The following MICU1 variants were observed in gnomAD, a reference collection of about 807,000 sequenced individuals.
The protein encoded by MICU1 is calcium uptake protein 1, mitochondrial.
MICU1 carries 45 observed loss-of-function variants against 56.8 expected under a neutral mutation model. The observed-to-expected ratio is 0.79, with a 90% CI of 0.62 to 1.02. MICU1 has a LOEUF of 1.02. MICU1 is among the 50% of genes least tolerant of loss of function. The pLI, the probability that MICU1 is intolerant of heterozygous loss-of-function variation, is 0.00. For synonymous variants in MICU1, 186 were observed against 195.1 expected (o/e 0.95, Z 0.39); for missense variants, 504 against 587.1 (o/e 0.86, Z 1.46).
At chr10:72,471,961 T>A (rs2132261039) in intron 8 of MICU1, among the ~76,000 whole-genome samples, 1 of 152,102 alleles carries the variant, frequency 6.6e-6, no homozygotes, top group Admixed American at 6.6e-5. Context: ...TGTTGTAACA[T>A]ATCTAGTATA....
At chr10:72,577,600 A>C (rs1328624896) in intron 1 of MICU1, among the ~76,000 whole-genome samples, 1 of 152,160 alleles carries the variant, frequency 6.6e-6, no homozygotes, top group South Asian at 2.1e-4. Flanking sequence ...TATGCGGAGG[A>C]AACAGCAAGA....
chr10:72,381,963 TACACACACACACACAC>T lies in MICU1; in HGVS notation c.1181-6107_1181-6092del, dbSNP rs10535513. Among the ~76,000 whole-genome samples, 835 of 138,450 alleles carry T rather than the reference TACACACACACACACAC, an allele frequency of 6.0e-3. 4 individuals are homozygous for T. Among genetic ancestry groups the T allele is most frequent in the African/African-American group, 0.018 (686 of 37,634 alleles). 90.8% of individuals were successfully genotyped at this position (138,450 alleles called of 152,430 possible). On this transcript the variant is annotated intron_variant, in intron 10 of 11. Transcript: ENST00000361114. Reference sequence around the variant, plus strand: ...AGGAGACTGTGTATATATATATCTATACACACACACACACACACACACACACACACACACACACACA... The same window carrying T: ...AGGAGACTGTGTATATATATATCTATACACACACACACACACACACACACA...
At chr10:72,380,412 T>C (rs1862663045) in intron 10 of MICU1, among the ~76,000 whole-genome samples, 1 of 152,200 alleles carries the variant, frequency 6.6e-6, no homozygotes, top group Non-Finnish European at 1.5e-5. Context: ...TCTGGCACCA[T>C]CTGGCTTTTT....
At chr10:72,399,939 C>G (rs971635768) in intron 10 of MICU1, among the ~76,000 whole-genome samples, 3 of 151,976 alleles carry the variant, frequency 2.0e-5, no homozygotes, top group African/African-American at 4.8e-5. Flanking sequence ...GCCTGGGCAA[C>G]AAAGCAAAAC....
chr10:72,411,179 G>A (rs958781635), intron 9 of MICU1, among the ~76,000 whole-genome samples: 8 of 152,182 alleles, frequency 5.3e-5, no homozygotes, highest in Non-Finnish European at 7.3e-5. Context: ...AAAGATGGTG[G>A]TTGTCAGGAG....
At chr10:72,501,261 T>C (rs1335110464) in intron 6 of MICU1, among the ~76,000 whole-genome samples, 1 of 152,082 alleles carries the variant, frequency 6.6e-6, no homozygotes, top group Non-Finnish European at 1.5e-5. Context: ...GGGATACAAA[T>C]ATATGAATTC....
chr10:72,406,130 A>G (rs1387161145), intron 10 of MICU1, among the ~76,000 whole-genome samples: 1 of 152,146 alleles, frequency 6.6e-6, no homozygotes, highest in African/African-American at 2.4e-5. Context: ...AAGTGAATTT[A>G]GCAAAATTAC....
intron 6 of MICU1, among the ~76,000 whole-genome samples, chr10:72,490,929 G>T (rs976832152): frequency 3.9e-5 from 6 of 152,142 alleles, no homozygotes; most frequent in African/African-American, 1.4e-4. Context: ...AGATCTGAGG[G>T]CTTCCTCCTA....
At chr10:72,450,083 G>A (rs1175593698) in intron 8 of MICU1, among the ~76,000 whole-genome samples, 1 of 152,016 alleles carries the variant, frequency 6.6e-6, no homozygotes, top group East Asian at 1.9e-4. Context: ...CAACACTCTC[G>A]TGAAAGTTCT....
chr10:72,384,179 G>C (rs550506421), intron 10 of MICU1, among the ~76,000 whole-genome samples: 9 of 152,084 alleles, frequency 5.9e-5, no homozygotes, highest in African/African-American at 1.9e-4. Context: ...TTTTTTTGTA[G>C]AGATGGGGTT....
In MICU1 at chr10:72,368,117, C is replaced by T; in HGVS notation, c.*78G>A. ...GGGGGACTACTTCCAGAAGCAGCAG[C>T]ACAAAGGGCTCTGCCGAGACTCTGC... On this transcript the variant is annotated 3_prime_UTR_variant, in exon 12 of 12. Coordinates refer to ENST00000361114, the MANE Select transcript of MICU1 (RefSeq NM_001195518.2). 1.4e-6 allele frequency: 2 copies of T among 1,460,906 alleles called. No individual in the cohort carries two copies. Among genetic ancestry groups the T allele is most frequent in the Non-Finnish European group, 1.9e-6 (2 of 1,074,314 alleles). The allele number at this position is 1,460,906 out of a possible 1,614,324, so 90.5% of individuals were successfully genotyped here. A position where few individuals can be genotyped will look rare whatever the true frequency, so the allele number is the denominator to read the frequency against.
chr10:72,500,949 T>A (rs1184788981), intron 6 of MICU1, among the ~76,000 whole-genome samples: 2 of 152,196 alleles, frequency 1.3e-5, no homozygotes, highest in African/African-American at 4.8e-5. Flanking sequence ...TTCCAGTTGG[T>A]TAGTGCAGAG....
At position 72,622,984 on chromosome 10, in the gene MICU1, G is replaced by A. The variant is rs147103045; in HGVS notation, c.-2+3026C>T. ...TATTTTCATTTTTAAATTATGAGTG[G>A]GAGGCCAGGTACAGTGGCTCACACC... On this transcript the variant is annotated intron_variant, in intron 1 of 11. Coordinates refer to ENST00000361114, the MANE Select transcript of MICU1 (RefSeq NM_001195518.2). Among the ~76,000 whole-genome samples the A allele has an allele frequency of 1.2e-3, 187 of 152,062 alleles. 1 individual carries two copies. The highest frequency in any genetic ancestry group is 4.1e-3 in the African/African-American group (168 of 41,470).
chr10:72,479,631 C>A (rs1866228941), intron 6 of MICU1, among the ~76,000 whole-genome samples: 1 of 152,178 alleles, frequency 6.6e-6, no homozygotes, highest in Non-Finnish European at 1.5e-5. Flanking sequence ...TGGGCTCAAG[C>A]AATCCTGCCT....
At chr10:72,459,857 C>T (rs1865591930) in intron 8 of MICU1, among the ~76,000 whole-genome samples, 2 of 152,154 alleles carry the variant, frequency 1.3e-5, no homozygotes, top group South Asian at 4.1e-4. Context: ...TTAAGCAAAC[C>T]TACTTCTCCT....
Position 72,603,443 on chromosome 10 carries a change from C to T in MICU1, c.-2+22567G>A, listed in dbSNP as rs560994485. ...GTTTATTTTGCCAAAGTTAAGGATG[C>T]GGCCTGGACAATATGTGCCCAAGGT... On this transcript the variant is annotated intron_variant, in intron 1 of 11. Transcript: ENST00000361114. Among the ~76,000 whole-genome samples, 22 of 151,060 alleles carry T rather than the reference C, an allele frequency of 1.5e-4. 1 individual carries two copies. The South Asian group carries it at 2.1e-3, about 14-fold the overall frequency.
intron 8 of MICU1, among the ~76,000 whole-genome samples, chr10:72,464,353 C>T (rs1000948523): frequency 2.7e-5 from 4 of 149,960 alleles, no homozygotes; most frequent in Admixed American, 6.6e-5. Flanking sequence ...CACACATGCA[C>T]GTGTGCTCGC....
chr10:72,423,563 T>G (rs1250595956), intron 8 of MICU1, among the ~76,000 whole-genome samples, 192 bp from the exon 9 acceptor site: 1 of 152,156 alleles, frequency 6.6e-6, no homozygotes, highest in East Asian at 1.9e-4. Flanking sequence ...GATCTGCCAC[T>G]TACTATTGTC....
rs920005394 is a variant in MICU1 at position 72,513,186 on chromosome 10, T to G, written c.538-4917A>C. Among the ~76,000 whole-genome samples the G allele has an allele frequency of 3.3e-5, 5 of 152,280 alleles. No homozygotes were observed. In the East Asian group the frequency reaches 9.6e-4, roughly 29 times the overall value. The stretch of plus-strand genomic sequence containing the variant: ...ATTCCCATAAGCAATGTAAGAGGAT[T>G]CCACATTCTCCACACCCTCACCAAT... On this transcript the variant is annotated intron_variant, in intron 5 of 11. Transcript: ENST00000361114.
Sources: gnomAD v4.1 joint callset for allele counts (sites outside exome capture counted in the v4.1 genomes callset) on GRCh38, gnomAD v4.1.1 for gene constraint, MANE v1.5 for transcripts, NCBI Gene and HGNC (gene_info 2026-07-23, HGNC 2026-07-21) for gene names.